Variants in S100PBP observed in about 807,000 individuals in gnomAD.
S100PBP encodes the protein S100P binding protein.
A neutral mutation model predicts 39.9 loss-of-function variants in S100PBP; 15 were observed. The ratio of observed to expected loss-of-function variants is 0.38; its 90% CI spans 0.25 to 0.58. S100PBP has a LOEUF of 0.58. Ranked by LOEUF, S100PBP falls within the 20% of genes least tolerant of loss-of-function variation. The pLI is 0.70. For missense variants in S100PBP, 504 were observed against 487.3 expected, an observed-to-expected ratio of 1.03 and a Z score of -0.32; for synonymous variants, 178 against 180.3, an observed-to-expected ratio of 0.99 and a Z score of 0.10.
At chr1:32,832,407 T>C (rs970722705) in intron 5 of S100PBP, among the ~76,000 whole-genome samples, 3 of 152,238 alleles carry the variant, frequency 2.0e-5, no homozygotes, top group African/African-American at 7.2e-5. Context: ...TTTCTACTTT[T>C]GTGTATATTT....
At chr1:32,824,059 G>A (rs1254199695) in intron 1 of S100PBP, among the ~76,000 whole-genome samples, 3 of 152,166 alleles carry the variant, frequency 2.0e-5, no homozygotes, top group East Asian at 1.9e-4. Flanking sequence ...TTAGCCGGGC[G>A]TGGTGGCGGT....
chr1:32,831,139 A>G (rs184227014), intron 5 of S100PBP, among the ~76,000 whole-genome samples: 19 of 152,162 alleles, frequency 1.2e-4, no homozygotes, highest in Middle Eastern at 3.4e-3. Flanking sequence ...AACTTTCTCG[A>G]GTATTTCAGT....
rs1640803453 is a variant in S100PBP, at chr1:32,855,961, A to G, written c.1150A>G (p.Ser384Gly). The change falls in exon 7 of 7, where the codon AGT (serine) becomes GGT (glycine). Residue 384 changes from serine to glycine, a missense_variant. Transcript: ENST00000373475. The stretch of plus-strand genomic sequence containing the variant: ...CCGACAGAAACATCTGCAAAGATAC[A>G]GTCTGACTCAGTGGGTTGACAGGAA... ...ARRQKHLQRY[S>G]LTQWVDRNMR... The G allele has an allele frequency of 1.2e-6, 2 of 1,613,572 alleles. No individual in the cohort carries two copies. The highest frequency in any genetic ancestry group is 1.7e-5 in the Admixed American group (1 of 59,994).
chr1:32,855,560 A>G (rs1344456546), intron 6 of S100PBP, among the ~76,000 whole-genome samples: 4 of 152,208 alleles, frequency 2.6e-5, no homozygotes, highest in Admixed American at 1.3e-4. Context: ...TGATGCAAAC[A>G]ATAAAATATA....
At position 32,856,852 on chromosome 1, in the gene S100PBP, C is replaced by T. The variant is rs996793230; in HGVS notation, c.*814C>T. On this transcript the variant is annotated 3_prime_UTR_variant, in exon 7 of 7. Coordinates refer to ENST00000373475, the MANE Select transcript of S100PBP (RefSeq NM_022753.4). ...CCTTTTTCTTTTTACCCCCCAGTGA[C>T]CACTCTGCTCTTTAGGATTCTAGTG... 3 of 152,226 alleles carry T rather than the reference C, an allele frequency of 2.0e-5. No individual in the cohort carries two copies. Among genetic ancestry groups the T allele is most frequent in the African/African-American group, 7.2e-5 (3 of 41,444 alleles). The allele number at this position is 152,226 out of a possible 1,614,324, so 9.4% of individuals were successfully genotyped here.
At chr1:32,817,076 G>A, upstream of S100PBP, 1 of 1,370,760 alleles carries the variant, frequency 7.3e-7, no homozygotes, top group South Asian at 1.2e-5. Flanking sequence ...TCAGAGCTGC[G>A]CCAGCGCCGA....
chr1:32,832,513 C>G (rs554056584), intron 5 of S100PBP, among the ~76,000 whole-genome samples: 1 of 152,094 alleles, frequency 6.6e-6, no homozygotes, highest in East Asian at 1.9e-4. Flanking sequence ...TTTCACAGAC[C>G]TCTGGCACTT....
At position 32,826,224 on chromosome 1, in the gene S100PBP, CAGAG is replaced by C; in HGVS notation, c.126_129del (p.Gly44LysfsTer7). The C allele has an allele frequency of 1.2e-6, 2 of 1,614,018 alleles. No individual in the cohort carries two copies. Among genetic ancestry groups the C allele is most frequent in the Non-Finnish European group, 1.7e-6 (2 of 1,180,006 alleles). ...TTGGATGACTCCTTGCTGGAGCTGTCAGAGGGAGAAGAAGATGATGGTGATGTAA... is the reference window on the plus strand; with the variant it reads ...TTGGATGACTCCTTGCTGGAGCTGTCGGAGAAGAAGATGATGGTGATGTAA... On this transcript the variant is annotated frameshift_variant, in exon 3 of 7. Coordinates refer to ENST00000373475, the MANE Select transcript of S100PBP (RefSeq NM_022753.4). LOFTEE classifies it high-confidence loss of function.
intron 5 of S100PBP, 158 bp from the exon 6 acceptor site, chr1:32,852,921 T>G: frequency 1.8e-6 from 1 of 564,784 alleles, no homozygotes; most frequent in Non-Finnish European, 3.2e-6. Context: ...AATCTCCCCA[T>G]TCTGGTTTAT....
chr1:32,844,607 G>A (rs188954952), intron 5 of S100PBP, among the ~76,000 whole-genome samples: 3 of 152,086 alleles, frequency 2.0e-5, no homozygotes, highest in Admixed American at 2.0e-4. Flanking sequence ...CTCCAGAGTA[G>A]CTACAGGCAC....
intron 5 of S100PBP, chr1:32,847,223 T>C (rs1424717889): frequency 6.6e-6 from 1 of 152,248 alleles, no homozygotes; most frequent in African/African-American, 2.4e-5. Flanking sequence ...TTTTTCCTAA[T>C]GAACAACTTG....
chr1:32,844,513 G>A (rs1640267536), intron 5 of S100PBP, among the ~76,000 whole-genome samples: 1 of 152,130 alleles, frequency 6.6e-6, no homozygotes. Context: ...GTCTGGTTCT[G>A]TCCCCCAGGC....
chr1:32,821,249 A>C (rs1449250293), intron 1 of S100PBP, among the ~76,000 whole-genome samples: 1 of 152,116 alleles, frequency 6.6e-6, no homozygotes, highest in African/African-American at 2.4e-5. Flanking sequence ...ACCATCCTGA[A>C]TTCCGGCCTT....
intron 5 of S100PBP, chr1:32,843,298 A>G (rs1262610796): frequency 6.9e-6 from 1 of 145,682 alleles, no homozygotes; most frequent in Non-Finnish European, 1.5e-5. Flanking sequence ...TTAAGTACAA[A>G]TGAGATCTTT....
At chr1:32,847,785 A>G (rs564364665) in intron 5 of S100PBP, 4 of 151,522 alleles carry the variant, frequency 2.6e-5, no homozygotes, top group Admixed American at 1.3e-4. Flanking sequence ...TTATTAATCT[A>G]TTTATAAAAG....
intron 5 of S100PBP, chr1:32,834,967 C>T (rs545869997): frequency 9.9e-5 from 15 of 152,010 alleles, no homozygotes; most frequent in African/African-American, 2.7e-4. Flanking sequence ...ATGATGAAAC[C>T]TGTCTCTACT....
intron 1 of S100PBP, among the ~76,000 whole-genome samples, chr1:32,820,371 C>A (rs1638995312): frequency 6.6e-6 from 1 of 152,090 alleles, no homozygotes; most frequent in Admixed American, 6.6e-5. Flanking sequence ...GTCTTGAACT[C>A]CTGACCTCAG....
At chr1:32,818,370 C>T (rs1394404258) in intron 1 of S100PBP, among the ~76,000 whole-genome samples, 1 of 152,208 alleles carries the variant, frequency 6.6e-6, no homozygotes, top group Non-Finnish European at 1.5e-5. Context: ...ACCCTTTCTC[C>T]GGCTCCTCAA....
intron 5 of S100PBP, among the ~76,000 whole-genome samples, chr1:32,849,012 A>T (rs1040044870): frequency 9.2e-5 from 14 of 152,242 alleles, no homozygotes; most frequent in African/African-American, 3.1e-4. Context: ...TCTTGTTAGC[A>T]TCTCTAAATT....
Sources: allele counts gnomAD v4.1 joint callset (sites outside exome capture counted in the v4.1 genomes callset), GRCh38; gene constraint gnomAD v4.1.1; transcripts MANE v1.5; gene names NCBI Gene and HGNC (gene_info 2026-07-23, HGNC 2026-07-21).